Variants in DYNC2I2 observed in about 807,000 individuals in gnomAD.
DYNC2I2 encodes dynein 2 intermediate chain 2.
Under a neutral mutation model 52.0 loss-of-function variants are expected in DYNC2I2, and 39 were observed. That is an observed-to-expected ratio of 0.75 (90% CI 0.58 to 0.98). The LOEUF is 0.98. Among genes scored for constraint, DYNC2I2 ranks in the 50% least tolerant of loss-of-function variants. DYNC2I2 has a pLI of 0.00. For missense variants in DYNC2I2, 743 were observed against 728.4 expected, an observed-to-expected ratio of 1.02 and a Z score of -0.23; for synonymous variants, 359 against 321.1, an observed-to-expected ratio of 1.12 and a Z score of -1.26.
In DYNC2I2 at chr9:128,636,380, G is replaced by C. The variant is rs368141165; in HGVS notation, c.604C>G (p.Arg202Gly). 2 of 1,609,952 alleles carry C rather than the reference G, an allele frequency of 1.2e-6. No homozygotes were observed. The highest frequency in any genetic ancestry group is 2.7e-5 in the African/African-American group (2 of 74,870). Residue 202 changes from arginine to glycine, a missense_variant, in exon 4 of 9, where the codon CGG becomes GGG. Coordinates refer to ENST00000372715, the MANE Select transcript of DYNC2I2 (RefSeq NM_052844.4). Reference protein sequence around the residue: ...KSFVCAWNLDRRDLRPQQPSA... With the variant: ...KSFVCAWNLDGRDLRPQQPSA... ...GGCTGCTGGGGACGCAGGTCTCGCC[G>C]GTCCAGGTTCCAGGCACACACGAAG...
chr9:128,637,863 G>A (rs1860444519), intron 2 of DYNC2I2, among the ~76,000 whole-genome samples: 1 of 152,182 alleles, frequency 6.6e-6, no homozygotes, highest in South Asian at 2.1e-4. Context: ...CCAGGAAGTG[G>A]TGTGTGCCAG....
In DYNC2I2 at chr9:128,656,706, C is replaced by T. The variant is rs771586181; in HGVS notation, c.21G>A (p.Pro7=). The T allele has an allele frequency of 1.1e-4, 155 of 1,436,390 alleles. No individual in the cohort carries two copies. The highest frequency in any genetic ancestry group is 1.3e-4 in the Non-Finnish European group (149 of 1,104,276). The allele number at this position is 1,436,390 out of a possible 1,614,324, so 89.0% of individuals were successfully genotyped here. The change falls in exon 1 of 9, where the codon CCG becomes CCA. Residue 7 remains proline (P), a synonymous_variant. Transcript: ENST00000372715. MATRAQ[P]GPLSQAGSAG... is the part of the protein sequence containing the mutation. ...CGCTTCCCGCCTGGCTGAGTGGCCC[C>T]GGCTGCGCGCGGGTTGCCATGGAGA... is the stretch of plus-strand genomic sequence containing the variant.
chr9:128,684,057 T>G, the DYNC2I2 span: 1 of 1,419,848 alleles, frequency 7.0e-7, no homozygotes, highest in South Asian at 1.2e-5. Flanking sequence ...TTTGCAAGGA[T>G]TGACTCTCTG....
intron 1 of DYNC2I2, among the ~76,000 whole-genome samples, chr9:128,646,244 C>T (rs569634200): frequency 6.6e-6 from 1 of 152,348 alleles, no homozygotes; most frequent in South Asian, 2.1e-4. Flanking sequence ...GAGACACAGT[C>T]TCACTCTGTC....
chr9:128,640,580 A>G (rs1377802410), intron 2 of DYNC2I2, 111 bp downstream of exon 2: 2 of 1,505,210 alleles, frequency 1.3e-6, no homozygotes, highest in Non-Finnish European at 1.8e-6. Flanking sequence ...GAGCCTGGTG[A>G]TTGCTGGCCG....
chr9:128,645,956 C>T (rs1216815356), intron 1 of DYNC2I2, among the ~76,000 whole-genome samples: 1 of 152,180 alleles, frequency 6.6e-6, no homozygotes, highest in African/African-American at 2.4e-5. Flanking sequence ...TTAAGACACA[C>T]CATAACCCAG....
chr9:128,669,442 A>G, the DYNC2I2 span, among the ~76,000 whole-genome samples: 3 of 152,148 alleles, frequency 2.0e-5, no homozygotes, highest in Non-Finnish European at 4.4e-5. Context: ...TCACACTTCT[A>G]GTCCCAGCAC....
At chr9:128,680,538 C>T in the DYNC2I2 span, among the ~76,000 whole-genome samples, 4 of 151,306 alleles carry the variant, frequency 2.6e-5, no homozygotes, top group African/African-American at 4.9e-5. Context: ...CCACCATGCT[C>T]GGCTAATTTT....
chr9:128,663,949 A>G, the DYNC2I2 span, among the ~76,000 whole-genome samples: 2 of 135,532 alleles, frequency 1.5e-5, no homozygotes, highest in South Asian at 4.5e-4. Flanking sequence ...TACTGCACCC[A>G]GGCTTTTTTT....
At chr9:128,673,137 T>C in the DYNC2I2 span, among the ~76,000 whole-genome samples, 1 of 152,342 alleles carries the variant, frequency 6.6e-6, no homozygotes, top group South Asian at 2.1e-4. Flanking sequence ...CTCAGATGTT[T>C]ATCACAGAGT....
the DYNC2I2 span, among the ~76,000 whole-genome samples, chr9:128,671,428 A>AGTAGTTAG: frequency 6.8e-6 from 1 of 147,900 alleles, no homozygotes; most frequent in Non-Finnish European, 1.5e-5. Context: ...CAGCCCCCCA[A>AGTAGTTAG]GTAGTTAGGA....
the DYNC2I2 span, among the ~76,000 whole-genome samples, chr9:128,674,335 C>T: frequency 6.6e-6 from 1 of 151,762 alleles, no homozygotes; most frequent in Non-Finnish European, 1.5e-5. Flanking sequence ...GGGGTTTCAC[C>T]GTGTTAGCCA....
chr9:128,635,447 G>A (rs1367713242), intron 5 of DYNC2I2, 188 bp from the exon 6 acceptor site: 8 of 829,226 alleles, frequency 9.6e-6, no homozygotes, highest in Admixed American at 8.4e-5. Context: ...GAATCCCAGC[G>A]CTGCTCACTC....
upstream of DYNC2I2, among the ~76,000 whole-genome samples, chr9:128,658,125 TA>T (rs898804673): frequency 6.7e-6 from 1 of 148,694 alleles, no homozygotes; most frequent in South Asian, 2.1e-4. Context: ...AACAAAATAA[TA>T]AAAAAATTCT....
chr9:128,675,241 G>A, the DYNC2I2 span, among the ~76,000 whole-genome samples: 4 of 152,048 alleles, frequency 2.6e-5, no homozygotes, highest in South Asian at 6.2e-4. Flanking sequence ...GCAGTGGCGC[G>A]ATCTCAGCTC....
In DYNC2I2 at chr9:128,635,769, T is replaced by C. The variant is rs777735014; in HGVS notation, c.704-2A>G. On this transcript the variant is annotated splice_acceptor_variant, in intron 4 of 8. Transcript: ENST00000372715. LOFTEE classifies it high-confidence loss of function. ...ACACCTCACCACTGTACAGCCCTCC[T>C]GCAGGGACAGTGGACCTGGGCAGAG... The C allele has an allele frequency of 1.9e-6, 3 of 1,610,098 alleles. No homozygotes were observed. Among genetic ancestry groups the C allele is most frequent in the Non-Finnish European group, 1.7e-6 (2 of 1,178,034 alleles).
chr9:128,677,070 G>A, the DYNC2I2 span, among the ~76,000 whole-genome samples: 1 of 151,282 alleles, frequency 6.6e-6, no homozygotes, highest in Non-Finnish European at 1.5e-5. Context: ...GGATGGTCCT[G>A]ATCTCCTGAC....
At chr9:128,640,347 G>A (rs1860489667) in intron 2 of DYNC2I2, among the ~76,000 whole-genome samples, 1 of 152,138 alleles carries the variant, frequency 6.6e-6, no homozygotes, top group Admixed American at 6.6e-5. Flanking sequence ...CCCAAAGAAG[G>A]CCCTCACTGC....
upstream of DYNC2I2, among the ~76,000 whole-genome samples, chr9:128,660,792 C>G (rs1238607824): frequency 1.3e-5 from 2 of 151,934 alleles, no homozygotes; most frequent in African/African-American, 4.8e-5. Context: ...TGTAGTGGCA[C>G]AATCTCGGCT....
Sources: gnomAD v4.1 joint callset for allele counts (sites outside exome capture counted in the v4.1 genomes callset) on GRCh38, gnomAD v4.1.1 for gene constraint, MANE v1.5 for transcripts, NCBI Gene and HGNC (gene_info 2026-07-23, HGNC 2026-07-21) for gene names.